Variants in ENG observed in about 807,000 individuals in gnomAD.
ENG encodes the protein CD105 antigen.
A neutral mutation model predicts 71.0 loss-of-function variants in ENG; 17 were observed. The ratio of observed to expected loss-of-function variants is 0.24; its 90% confidence interval spans 0.16 to 0.36. The LOEUF (loss-of-function observed/expected upper bound fraction) is 0.36, where lower values mean the gene tolerates loss of function less well. Ranked by LOEUF, ENG falls within the 10% of genes least tolerant of loss-of-function variation. ENG has a pLI of 1.00. For missense variants in ENG, 749 were observed against 868.3 expected, an observed-to-expected ratio of 0.86 and a Z score of 1.73; for synonymous variants, 360 against 366.9, an observed-to-expected ratio of 0.98 and a Z score of 0.21.
At chr9:127,826,712 C>A (rs747287241) in intron 3 of ENG, 40 bp from the exon 4 acceptor site, 2 of 1,610,732 alleles carry the variant, frequency 1.2e-6, no homozygotes, top group Non-Finnish European at 1.7e-6. Context: ...TGTTCCTGGC[C>A]CTGTGCCCTC....
intron 8 of ENG, among the ~76,000 whole-genome samples, chr9:127,820,959 A>G (rs1184374418): frequency 1.3e-5 from 2 of 152,216 alleles, no homozygotes; most frequent in Non-Finnish European, 2.9e-5. Flanking sequence ...TGTTCCTATA[A>G]AGAGCCAGAT....
chr9:127,815,029 T>C lies in ENG; in HGVS notation c.*653A>G. On this transcript the variant is annotated 3_prime_UTR_variant, in exon 15 of 15. Coordinates refer to ENST00000373203, the MANE Select transcript of ENG (RefSeq NM_001114753.3). ...CCAACCCATCACTGGTTTCATGGTC[T>C]GATTTATTGGTGGTGAATACACAGG... 6.5e-6 allele frequency: 1 copy of C among 152,820 alleles called. No individual in the cohort carries two copies. Among genetic ancestry groups the C allele is most frequent in the Non-Finnish European group, 1.5e-5 (1 of 68,430 alleles). 9.5% of individuals were successfully genotyped at this position (152,820 alleles called of 1,614,324 possible). A position where few individuals can be genotyped will look rare whatever the true frequency, so the allele number is the denominator to read the frequency against.
chr9:127,838,168 C>T lies in ENG; in HGVS notation c.219+4926G>A, dbSNP rs994584722. ...GGAGCTCACATAGCCATGCAGTGCT[C>T]CCCTGGAGGATGGAACAGGAAAGAT... On this transcript the variant is annotated intron_variant, in intron 2 of 14. Transcript: ENST00000373203. This position sits in a 1 kb window ranked among gnomAD's most constrained non-coding sequence, Gnocchi z 4.3. Among the ~76,000 whole-genome samples, 1 of 152,008 alleles carries T rather than the reference C, an allele frequency of 6.6e-6. No individual in the cohort carries two copies. The highest frequency in any genetic ancestry group is 2.4e-5 in the African/African-American group (1 of 41,384).
At position 127,820,063 on chromosome 9, in the gene ENG, C is replaced by T. The variant is rs370628284; in HGVS notation, c.1135-26G>A. 27 of 1,611,054 alleles carry T rather than the reference C, an allele frequency of 1.7e-5. No individual in the cohort carries two copies. In the African/African-American group the frequency reaches 3.1e-4, roughly 18 times the overall value. On this transcript the variant is annotated intron_variant, in intron 8 of 14. Coordinates refer to ENST00000373203, the MANE Select transcript of ENG (RefSeq NM_001114753.3). ...CTGGGTCGGAAGAGAGGGGCACCAT[C>T]AGGAGGCACTGGGGTCTCTGTGGCC...
In ENG at chr9:127,820,839, A is replaced by ATAT. The variant is rs1554809613; in HGVS notation, c.1135-803_1135-802insATA. Among the ~76,000 whole-genome samples the ATAT allele has an allele frequency of 4.0e-5, 6 of 149,132 alleles. No homozygotes were observed. The East Asian group carries it at 8.0e-4, about 20-fold the overall frequency. ...GCGAGACTCCGTCTCAAAAAAAAAA[A>ATAT]ATATATATATATATATTCCTTCAAG... is the stretch of plus-strand genomic sequence containing the variant. On this transcript the variant is annotated intron_variant, in intron 8 of 14. Coordinates refer to ENST00000373203, the MANE Select transcript of ENG (RefSeq NM_001114753.3).
At chr9:127,831,411 G>A (rs574513719) in intron 2 of ENG, among the ~76,000 whole-genome samples, 6 of 147,390 alleles carry the variant, frequency 4.1e-5, no homozygotes, top group East Asian at 4.0e-4. Flanking sequence ...TCTTTGAGGC[G>A]GAGTCTCGCT....
At position 127,854,544 on chromosome 9, in the gene ENG, G is replaced by A. The variant is rs1044390093; in HGVS notation, c.-189C>T. ...TCAGGAGAAGTGGACACAGGGACGC[G>A]GGGCTGGGCTGGAGTTGCTGTCCGA... is the stretch of plus-strand genomic sequence containing the variant. On this transcript the variant is annotated 5_prime_UTR_variant, in exon 1 of 15. Transcript: ENST00000373203. 1.8e-5 allele frequency: 11 copies of A among 601,956 alleles called. No homozygotes were observed. Among genetic ancestry groups the A allele is most frequent in the South Asian group, 4.1e-5 (2 of 48,742 alleles). 37.3% of individuals were successfully genotyped at this position (601,956 alleles called of 1,614,324 possible).
At chr9:127,825,430 G>C (rs1280676970) in intron 5 of ENG, 73 bp from the exon 6 acceptor site, 1 of 1,595,636 alleles carries the variant, frequency 6.3e-7, no homozygotes, top group African/African-American at 1.3e-5. Context: ...GGCGTCGGGT[G>C]GGCGGCGGCT....
chr9:127,822,264 A>C (rs940317929), intron 8 of ENG: 3 of 152,232 alleles, frequency 2.0e-5, no homozygotes, highest in African/African-American at 7.2e-5. Flanking sequence ...CCAGAGAATT[A>C]CAACTAAAAC....
At chr9:127,842,278 G>C (rs1482483197) in intron 2 of ENG, among the ~76,000 whole-genome samples, 1 of 149,444 alleles carries the variant, frequency 6.7e-6, no homozygotes, top group Non-Finnish European at 1.5e-5. Flanking sequence ...CCAGGCTGGA[G>C]TGCAGTGGTG....
At chr9:127,848,142 G>C (rs1352947587) in intron 1 of ENG, among the ~76,000 whole-genome samples, 1 of 152,144 alleles carries the variant, frequency 6.6e-6, no homozygotes, top group Non-Finnish European at 1.5e-5. Flanking sequence ...GCTAAGTGGG[G>C]GTTGCTCAGG....
chr9:127,829,913 C>T, intron 2 of ENG, 86 bp from the exon 3 acceptor site: 3 of 1,582,250 alleles, frequency 1.9e-6, no homozygotes, highest in Non-Finnish European at 2.6e-6. Context: ...GATTTGGATG[C>T]TTCCACTCCA....
chr9:127,849,774 G>A (rs1831248687), intron 1 of ENG, among the ~76,000 whole-genome samples: 1 of 152,238 alleles, frequency 6.6e-6, no homozygotes, highest in African/African-American at 2.4e-5. Flanking sequence ...ACACTGCAGT[G>A]CTTAGGCCCA....
At chr9:127,835,369 T>C (rs1830876086) in intron 2 of ENG, among the ~76,000 whole-genome samples, 1 of 152,130 alleles carries the variant, frequency 6.6e-6, no homozygotes, top group African/African-American at 2.4e-5. Flanking sequence ...CTGGACCATG[T>C]CCTCCCTCTC....
chr9:127,824,339 C>T lies in ENG; in HGVS notation c.1099G>A (p.Ala367Thr), dbSNP rs372371435. The T allele has an allele frequency of 1.2e-5, 20 of 1,613,882 alleles. No individual in the cohort carries two copies. Among genetic ancestry groups the T allele is most frequent in the Admixed American group, 3.3e-5 (2 of 59,968 alleles). Residue 367 changes from alanine (A) to threonine (T), a missense_variant, in exon 8 of 15, where the codon GCC becomes ACC. Physicochemically the swap from Ala to Thr is moderately conservative, Grantham distance 58 (BLOSUM62 0). Coordinates refer to ENST00000373203, the MANE Select transcript of ENG (RefSeq NM_001114753.3). ...SLIQTKCADDAMTLVLKKELV... is the reference protein window; with the variant it reads ...SLIQTKCADDTMTLVLKKELV... ...TCTTTCTTTAGTACCAGGGTCATGG[C>T]GTCGTCGGCACACTTTGTCTGGATC...
At chr9:127,820,758 G>A (rs1361546916) in intron 8 of ENG, among the ~76,000 whole-genome samples, 3 of 151,762 alleles carry the variant, frequency 2.0e-5, no homozygotes, top group Non-Finnish European at 4.4e-5. Context: ...GAGCCCGGGA[G>A]GCGGAGTTTG....
chr9:127,819,433 C>A, intron 10 of ENG, 189 bp downstream of exon 10: 1 of 728,504 alleles, frequency 1.4e-6, no homozygotes. Context: ...AGCCCTCTGA[C>A]TTGAGAGACC....
chr9:127,818,650 G>T (rs1830393059), intron 11 of ENG, 66 bp downstream of exon 11: 1 of 1,549,674 alleles, frequency 6.5e-7, no homozygotes, highest in Non-Finnish European at 8.9e-7. Context: ...AGTCATGGTG[G>T]GAAGAAAGGC....
intron 2 of ENG, among the ~76,000 whole-genome samples, chr9:127,835,416 T>C (rs1341456321): frequency 6.6e-6 from 1 of 152,114 alleles, no homozygotes; most frequent in African/African-American, 2.4e-5. Flanking sequence ...TACAGTCCAT[T>C]GCTGTGCGGC....
Sources: gnomAD v4.1 joint callset for allele counts (sites outside exome capture counted in the v4.1 genomes callset) on GRCh38, gnomAD v4.1.1 for gene constraint, Gnocchi (gnomAD v3.1) non-coding constraint, MANE v1.5 for transcripts, NCBI Gene and HGNC (gene_info 2026-07-23, HGNC 2026-07-21) for gene names.